Variants in ME1 observed in about 807,000 individuals in gnomAD.
The protein encoded by ME1 is malic enzyme 1.
A neutral mutation model predicts 66.4 loss-of-function variants in ME1; 74 were observed. The observed-to-expected ratio is 1.11, with a 90% confidence interval of 0.92 to 1.35. The LOEUF is 1.35. ME1 is among the 40% of genes most tolerant of loss of function. The probability of loss-of-function intolerance (pLI) is 0.00; values close to 1 mark genes in which losing one functional copy is unlikely to be tolerated. For synonymous variants in ME1, 251 were observed against 235.6 expected, an observed-to-expected ratio of 1.07 and a Z score of -0.60; for missense variants, 750 against 694.1, an observed-to-expected ratio of 1.08 and a Z score of -0.90.
chr6:83,401,060 C>G (rs1769828550), intron 2 of ME1, among the ~76,000 whole-genome samples: 1 of 152,218 alleles, frequency 6.6e-6, no homozygotes, highest in Non-Finnish European at 1.5e-5. Flanking sequence ...TCAGCATTCT[C>G]AGCTCCTCTT....
chr6:83,228,775 A>C (rs1298162855), intron 10 of ME1, 51 bp downstream of exon 10: 1 of 1,239,962 alleles, frequency 8.1e-7, no homozygotes, highest in African/African-American at 1.5e-5. Flanking sequence ...TAAAAAAAAC[A>C]ATCAGGTCAA....
chr6:83,211,526 C>CTTT lies in ME1; in HGVS notation c.*395_*397dup, dbSNP rs34581323. ...CACCTACGCCTAGATTCATTTCTAG[C>CTTT]TTTTTTTTTTTGAAAAGTAGATTTT... On this transcript the variant is annotated 3_prime_UTR_variant, in exon 14 of 14. Transcript: ENST00000369705. 38 of 149,066 alleles carry CTTT rather than the reference C, an allele frequency of 2.5e-4. No homozygotes were observed. Among genetic ancestry groups the CTTT allele is most frequent in the East Asian group, 2.2e-3 (11 of 5,112 alleles). 9.2% of individuals were successfully genotyped at this position (149,066 alleles called of 1,614,324 possible).
chr6:83,416,250 C>T (rs896034487), intron 1 of ME1, among the ~76,000 whole-genome samples: 1 of 152,078 alleles, frequency 6.6e-6, no homozygotes, highest in African/African-American at 2.4e-5. Context: ...TTGCATCCTA[C>T]GTAAATTATA....
intron 7 of ME1, among the ~76,000 whole-genome samples, chr6:83,243,767 ATAT>A (rs560561836): frequency 0.025 from 3,307 of 131,588 alleles, 142 homozygotes; most frequent in African/African-American, 0.091. Context: ...TTATATAATT[ATAT>A]TATATTTATA....
At chr6:83,406,672 C>T (rs1355135777) in intron 2 of ME1, among the ~76,000 whole-genome samples, 1 of 152,122 alleles carries the variant, frequency 6.6e-6, no homozygotes, top group Non-Finnish European at 1.5e-5. Context: ...AAACACTATT[C>T]TGGATGTTTC....
intron 2 of ME1, among the ~76,000 whole-genome samples, chr6:83,403,752 T>C (rs1298193983): frequency 6.6e-6 from 1 of 152,202 alleles, no homozygotes; most frequent in Admixed American, 6.5e-5. Context: ...ACATGTGGTG[T>C]TTAGTTTTCT....
chr6:83,397,432 C>T (rs1055730194), intron 3 of ME1, among the ~76,000 whole-genome samples: 1 of 152,122 alleles, frequency 6.6e-6, no homozygotes, highest in African/African-American at 2.4e-5. Context: ...TGAGATATCA[C>T]CTCACACTTG....
intron 9 of ME1, chr6:83,229,341 G>A (rs1790256163): frequency 3.8e-6 from 1 of 264,414 alleles, no homozygotes; most frequent in Middle Eastern, 5.1e-4. Context: ...TTATGCTACT[G>A]ACTAAGAAAA....
At chr6:83,264,951 T>C (rs1020510540) in intron 6 of ME1, among the ~76,000 whole-genome samples, 3 of 152,214 alleles carry the variant, frequency 2.0e-5, no homozygotes, top group African/African-American at 7.2e-5. Flanking sequence ...TGAAAGAAGT[T>C]CTACTGTGGA....
intron 5 of ME1, among the ~76,000 whole-genome samples, chr6:83,315,921 T>C (rs886952719): frequency 6.6e-6 from 1 of 151,634 alleles, no homozygotes; most frequent in Non-Finnish European, 1.5e-5. Flanking sequence ...AATAAATAAA[T>C]AAGAAAGAAA....
intron 1 of ME1, among the ~76,000 whole-genome samples, chr6:83,413,242 G>A (rs1471177842): frequency 4.6e-5 from 7 of 152,116 alleles, no homozygotes; most frequent in African/African-American, 1.7e-4. Context: ...GAACTCCTGA[G>A]CTCAAGCGAT....
At chr6:83,420,500 C>G (rs1341993890) in intron 1 of ME1, among the ~76,000 whole-genome samples, 2 of 152,192 alleles carry the variant, frequency 1.3e-5, no homozygotes, top group African/African-American at 4.8e-5. Flanking sequence ...CTTAATTAAG[C>G]TGTATCTTAG....
At chr6:83,275,868 G>A (rs545851088) in intron 6 of ME1, among the ~76,000 whole-genome samples, 1 of 141,158 alleles carries the variant, frequency 7.1e-6, no homozygotes, top group South Asian at 2.3e-4. Flanking sequence ...CGCCTCCCGG[G>A]TTCACGCCAT....
At chr6:83,285,568 G>A (rs1767380988) in intron 6 of ME1, among the ~76,000 whole-genome samples, 1 of 152,150 alleles carries the variant, frequency 6.6e-6, no homozygotes, top group Non-Finnish European at 1.5e-5. Context: ...AATATTGAAG[G>A]GAAGTCTTCA....
intron 2 of ME1, among the ~76,000 whole-genome samples, chr6:83,402,966 C>T (rs1481928754): frequency 2.6e-5 from 4 of 152,168 alleles, no homozygotes; most frequent in Non-Finnish European, 5.9e-5. Context: ...AGCAACAATC[C>T]ATATGCAAAT....
In ME1 at chr6:83,211,526, C is replaced by CT. The variant is rs34581323; in HGVS notation, c.*397dup. 0.8 allele frequency: 119,720 copies of CT among 149,022 alleles called. 48,351 individuals are homozygous for CT. The highest frequency in any genetic ancestry group is 0.86 in the South Asian group (4,073 of 4,756). The allele number at this position is 149,022 out of a possible 1,614,324, so 9.2% of individuals were successfully genotyped here. A position where few individuals can be genotyped will look rare whatever the true frequency, so the allele number is the denominator to read the frequency against. On this transcript the variant is annotated 3_prime_UTR_variant, in exon 14 of 14. Transcript: ENST00000369705. ...CACCTACGCCTAGATTCATTTCTAG[C>CT]TTTTTTTTTTTGAAAAGTAGATTTT... is the stretch of plus-strand genomic sequence containing the variant.
rs369533324 is a variant in ME1 at position 83,330,425 on chromosome 6, G to A, written c.601-15012C>T. ...AAAATGTCAGCATGCATATGAGCTG[G>A]CATGATTATTAAAAAGTGCTAGAAA... On this transcript the variant is annotated intron_variant, in intron 5 of 13. Transcript: ENST00000369705. Among the ~76,000 whole-genome samples, 12 of 152,246 alleles carry A rather than the reference G, an allele frequency of 7.9e-5. No individual in the cohort carries two copies. The East Asian group carries it at 1.9e-3, about 24-fold the overall frequency.
intron 13 of ME1, 152 bp downstream of exon 13, chr6:83,216,346 T>G (rs1056417665): frequency 6.2e-6 from 4 of 642,666 alleles, no homozygotes; most frequent in Non-Finnish European, 1.1e-5. Context: ...TCCTAAGCTC[T>G]ACAGTGTCAG....
intron 12 of ME1, among the ~76,000 whole-genome samples, chr6:83,217,279 T>A (rs1790011620): frequency 6.6e-6 from 1 of 152,152 alleles, no homozygotes. Context: ...TGGGGGCAAA[T>A]CTAAATCAGC....
Sources: allele counts gnomAD v4.1 joint callset (sites outside exome capture counted in the v4.1 genomes callset), GRCh38; gene constraint gnomAD v4.1.1; transcripts MANE v1.5; gene names NCBI Gene and HGNC (gene_info 2026-07-23, HGNC 2026-07-21).